Variants in ADAMTSL1 observed in about 807,000 individuals in gnomAD.
The protein encoded by ADAMTSL1 is ADAMTS like 1, also known as ADAMTS-like protein 1.
Under a neutral mutation model 201.8 loss-of-function variants are expected in ADAMTSL1, and 126 were observed. The observed-to-expected ratio is 0.62, with a 90% CI of 0.54 to 0.72. ADAMTSL1 has a LOEUF of 0.72. Ranked by LOEUF, ADAMTSL1 falls within the 30% of genes least tolerant of loss-of-function variation. ADAMTSL1 has a pLI of 0.00. For missense variants in ADAMTSL1, 2,679 were observed against 2,277.8 expected, an observed-to-expected ratio of 1.18 and a Z score of -3.59; for synonymous variants, 1,121 against 903.4, an observed-to-expected ratio of 1.24 and a Z score of -4.32.
At chr9:18,025,765 A>G (rs1246935078) in intron 1 of ADAMTSL1, among the ~76,000 whole-genome samples, 4 of 151,952 alleles carry the variant, frequency 2.6e-5, no homozygotes, top group Non-Finnish European at 5.9e-5. Flanking sequence ...TGAATTTTAG[A>G]ATAGGTTTTT....
intron 14 of ADAMTSL1, among the ~76,000 whole-genome samples, chr9:18,714,256 G>C (rs1832780838): frequency 6.6e-6 from 1 of 150,604 alleles, no homozygotes; most frequent in Admixed American, 6.6e-5. Context: ...AATCAGAGCA[G>C]AACTGAAGGA....
intron 2 of ADAMTSL1, among the ~76,000 whole-genome samples, chr9:18,414,828 C>G (rs1173158410): frequency 6.6e-6 from 1 of 152,158 alleles, no homozygotes; most frequent in Non-Finnish European, 1.5e-5. Flanking sequence ...TAAAAAACCA[C>G]ACATTATCAG....
chr9:18,388,726 T>TTGC (rs1315521302), intron 2 of ADAMTSL1, among the ~76,000 whole-genome samples: 2 of 129,892 alleles, frequency 1.5e-5, no homozygotes, highest in Non-Finnish European at 3.2e-5. Context: ...CGATTTTTTG[T>TTGC]TGTTGTTGTT....
At chr9:17,949,777 A>T (rs1827656467) in intron 1 of ADAMTSL1, among the ~76,000 whole-genome samples, 1 of 152,152 alleles carries the variant, frequency 6.6e-6, no homozygotes, top group Non-Finnish European at 1.5e-5. Context: ...TGTGGCTTCC[A>T]TCTCTTTGTA....
intron 1 of ADAMTSL1, among the ~76,000 whole-genome samples, chr9:18,146,830 G>A (rs552996436): frequency 3.3e-5 from 5 of 152,190 alleles, no homozygotes; most frequent in Admixed American, 2.0e-4. Context: ...AATATTACAA[G>A]AATGCATTTA....
intron 1 of ADAMTSL1, among the ~76,000 whole-genome samples, chr9:18,078,429 C>T (rs1211795748): frequency 6.6e-6 from 1 of 152,118 alleles, no homozygotes; most frequent in East Asian, 1.9e-4. Context: ...AAAAATAAGC[C>T]TTTCTTCCCC....
At chr9:18,711,371 G>T (rs533144872) in intron 14 of ADAMTSL1, among the ~76,000 whole-genome samples, 3 of 150,004 alleles carry the variant, frequency 2.0e-5, no homozygotes, top group Admixed American at 6.7e-5. Flanking sequence ...GACAGTGGGC[G>T]CAGGTCAGTG....
At chr9:18,898,378 A>C (rs1048547684) in intron 26 of ADAMTSL1, among the ~76,000 whole-genome samples, 9 of 152,218 alleles carry the variant, frequency 5.9e-5, no homozygotes, top group Admixed American at 4.6e-4. Context: ...TGCAATCACA[A>C]GTATCAATAG....
Position 18,154,660 on chromosome 9 carries a change from C to T in ADAMTSL1, c.88-9202C>T, listed in dbSNP as rs143090949. Among the ~76,000 whole-genome samples, 683 of 152,168 alleles carry T rather than the reference C, an allele frequency of 4.5e-3. 7 individuals carry two copies. The highest frequency in any genetic ancestry group is 0.015 in the African/African-American group (628 of 41,536). Reference sequence around the variant, plus strand: ...TAAATATATTCAGCAGTCTGATTCTCTTCCCCCGAGGAATACATGGACTGA... The same window carrying T: ...TAAATATATTCAGCAGTCTGATTCTTTTCCCCCGAGGAATACATGGACTGA... On this transcript the variant is annotated intron_variant, in intron 1 of 29. Coordinates refer to the ADAMTSL1 transcript ENST00000680146.
At chr9:18,075,958 C>A (rs1028937699) in intron 1 of ADAMTSL1, among the ~76,000 whole-genome samples, 48 of 152,340 alleles carry the variant, frequency 3.2e-4, no homozygotes, top group African/African-American at 1.1e-3. Context: ...AGTGTCAACA[C>A]AAATAAACAC....
At chr9:18,575,706 G>T (rs767772700) in intron 4 of ADAMTSL1, among the ~76,000 whole-genome samples, 2 of 152,140 alleles carry the variant, frequency 1.3e-5, no homozygotes, top group Non-Finnish European at 2.9e-5. Flanking sequence ...AAGCAAGGAA[G>T]ATTTCCATTT....
intron 15 of ADAMTSL1, among the ~76,000 whole-genome samples, chr9:18,750,950 C>T (rs1367820505): frequency 1.3e-5 from 2 of 152,148 alleles, no homozygotes; most frequent in South Asian, 2.1e-4. Flanking sequence ...TGGCTGGCTT[C>T]CCCACCACCG....
In ADAMTSL1 at chr9:18,359,012, T is replaced by G. The variant is rs78663726; in HGVS notation, c.208-145817T>G. Among the ~76,000 whole-genome samples the G allele has an allele frequency of 0.011, 1,677 of 152,238 alleles. 65 individuals carry two copies. The East Asian group carries it at 0.11, about 10-fold the overall frequency. ...CTTAAATTTCAGTGACTTCAAACAG[T>G]TTGAACACTCTTCTCTTTTTAGAAT... On this transcript the variant is annotated intron_variant, in intron 2 of 29. Coordinates refer to the ADAMTSL1 transcript ENST00000680146.
chr9:18,527,006 C>T (rs559675391), intron 2 of ADAMTSL1, among the ~76,000 whole-genome samples: 2 of 152,184 alleles, frequency 1.3e-5, no homozygotes, highest in African/African-American at 4.8e-5. Flanking sequence ...CTTGTATTCA[C>T]AGTGCTTTAG....
intron 2 of ADAMTSL1, among the ~76,000 whole-genome samples, chr9:18,253,548 C>T (rs1163004059): frequency 6.6e-6 from 1 of 152,124 alleles, no homozygotes; most frequent in Non-Finnish European, 1.5e-5. Context: ...TTCCTAAACC[C>T]CAAGAACAGA....
chr9:18,374,917 A>G (rs953885385), intron 2 of ADAMTSL1, among the ~76,000 whole-genome samples: 3 of 152,238 alleles, frequency 2.0e-5, no homozygotes, highest in Non-Finnish European at 4.4e-5. Flanking sequence ...AATGGAGCTG[A>G]CAATGGTTAA....
At chr9:18,269,673 G>A (rs1374668693) in intron 2 of ADAMTSL1, among the ~76,000 whole-genome samples, 4 of 151,992 alleles carry the variant, frequency 2.6e-5, no homozygotes, top group East Asian at 1.9e-4. Context: ...TGAAAATGTG[G>A]TGAACCATAA....
chr9:18,612,554 A>G (rs943618449), intron 4 of ADAMTSL1, among the ~76,000 whole-genome samples: 6 of 152,302 alleles, frequency 3.9e-5, no homozygotes, highest in African/African-American at 1.4e-4. Context: ...GGAACAGAAT[A>G]GAGAACCCAG....
At chr9:18,244,156 G>A (rs746890424) in intron 2 of ADAMTSL1, among the ~76,000 whole-genome samples, 16 of 151,770 alleles carry the variant, frequency 1.1e-4, no homozygotes, top group Non-Finnish European at 1.9e-4. Context: ...CTACAACACT[G>A]TGTTGAGAAG....
Sources: gnomAD v4.1 joint callset for allele counts (sites outside exome capture counted in the v4.1 genomes callset) on GRCh38, gnomAD v4.1.1 for gene constraint, MANE v1.5 for transcripts, NCBI Gene and HGNC (gene_info 2026-07-23, HGNC 2026-07-21) for gene names.